SNTG1: variants seen among roughly 807,000 people sequenced by gnomAD.
SNTG1 encodes the protein syntrophin gamma 1.
In SNTG1, 39 loss-of-function variants were observed where a neutral mutation model predicts 74.7. The ratio of observed to expected loss-of-function variants is 0.52; its 90% CI spans 0.40 to 0.68. The LOEUF is 0.68. Ranked by LOEUF, SNTG1 falls within the 30% of genes least tolerant of loss-of-function variation. The pLI is 0.00. For synonymous variants in SNTG1, 254 were observed against 217.1 expected (o/e 1.17, Z -1.49); for missense variants, 685 against 609.5 (o/e 1.12, Z -1.30).
intron 1 of SNTG1, among the ~76,000 whole-genome samples, chr8:49,949,120 CA>C (rs1250165851): frequency 6.6e-6 from 1 of 152,070 alleles, no homozygotes; most frequent in Non-Finnish European, 1.5e-5. Context: ...TCGTTCTGTC[CA>C]GGCCTGATGG....
intron 1 of SNTG1, among the ~76,000 whole-genome samples, chr8:49,987,624 G>A (rs1239279376): frequency 6.7e-6 from 1 of 149,904 alleles, no homozygotes; most frequent in African/African-American, 2.5e-5. Context: ...AGTAATTGTG[G>A]ATTTTTTCCT....
intron 2 of SNTG1, among the ~76,000 whole-genome samples, chr8:50,197,243 G>A (rs1451182548): frequency 2.0e-5 from 3 of 152,040 alleles, no homozygotes; most frequent in East Asian, 1.9e-4. Flanking sequence ...TGCAAGGCCC[G>A]CCTGATTATA....
chr8:50,586,961 C>G (rs969557864), intron 12 of SNTG1, among the ~76,000 whole-genome samples: 5 of 151,802 alleles, frequency 3.3e-5, no homozygotes, highest in African/African-American at 7.3e-5. Flanking sequence ...GTAATAACCC[C>G]TAAATAAAAA....
intron 2 of SNTG1, among the ~76,000 whole-genome samples, chr8:50,319,307 T>C (rs1563890983): frequency 6.6e-6 from 1 of 152,060 alleles, no homozygotes; most frequent in Non-Finnish European, 1.5e-5. Flanking sequence ...GAGATTTCAG[T>C]GAGCTGAGAT....
intron 1 of SNTG1, among the ~76,000 whole-genome samples, chr8:50,002,786 AAAACGTGG>A (rs1814865181): frequency 6.6e-6 from 1 of 152,192 alleles, no homozygotes; most frequent in Non-Finnish European, 1.5e-5. Flanking sequence ...TGCCCATACA[AAAACGTGG>A]AAAAATGTGA....
Position 50,293,089 on chromosome 8 carries a change from A to T in SNTG1, c.-27-101123A>T, listed in dbSNP as rs149662316. ...TGTTTCCTTGGAACAACCTGCGTGT[A>T]GCCTTTGGAATTCATTATAGAATTG... On this transcript the variant is annotated intron_variant, in intron 2 of 18. Coordinates refer to ENST00000642720, the MANE Select transcript of SNTG1 (RefSeq NM_018967.5). Among the ~76,000 whole-genome samples the T allele has an allele frequency of 2.1e-3, 322 of 152,276 alleles. 2 individuals carry two copies. The highest frequency in any genetic ancestry group is 7.4e-3 in the African/African-American group (306 of 41,572).
chr8:50,282,683 T>C (rs539150516), intron 2 of SNTG1, among the ~76,000 whole-genome samples: 22 of 152,238 alleles, frequency 1.4e-4, no homozygotes, highest in African/African-American at 5.1e-4. Context: ...GGAGAATCAC[T>C]TGAACCCAGG....
chr8:50,673,637 C>T, intron 15 of SNTG1, among the ~76,000 whole-genome samples: 1 of 152,168 alleles, frequency 6.6e-6, no homozygotes, highest in East Asian at 1.9e-4. Context: ...GACAATTTGA[C>T]TGCCTCTCTT....
intron 1 of SNTG1, among the ~76,000 whole-genome samples, chr8:49,977,900 A>G (rs903587010): frequency 3.3e-5 from 5 of 152,228 alleles, no homozygotes; most frequent in African/African-American, 9.6e-5. Flanking sequence ...GACGGTCTTC[A>G]GTTGGCTTCC....
Position 50,709,009 on chromosome 8 carries a change from T to C in SNTG1, c.1284+31T>C, listed in dbSNP as rs376362017. The C allele has an allele frequency of 9.9e-4, 1,452 of 1,467,568 alleles. 1 individual carries two copies. Among genetic ancestry groups the C allele is most frequent in the Non-Finnish European group, 1.3e-3 (1,358 of 1,048,804 alleles). 90.9% of individuals were successfully genotyped at this position (1,467,568 alleles called of 1,614,324 possible). A position where few individuals can be genotyped will look rare whatever the true frequency, so the allele number is the denominator to read the frequency against. On this transcript the variant is annotated intron_variant, in intron 17 of 18. Coordinates refer to ENST00000642720, the MANE Select transcript of SNTG1 (RefSeq NM_018967.5). Reference sequence around the variant, plus strand: ...GTGTTCAGGTCAGCTCTGAGAAATATGCTGCAAACATTCTAATTGAAGAAT... The same window carrying C: ...GTGTTCAGGTCAGCTCTGAGAAATACGCTGCAAACATTCTAATTGAAGAAT...
chr8:50,467,995 G>T (rs150478711), intron 8 of SNTG1, among the ~76,000 whole-genome samples: 1 of 145,342 alleles, frequency 6.9e-6, no homozygotes, highest in East Asian at 2.1e-4. Context: ...GTCTGGGAAC[G>T]TATTTGTATA....
At chr8:50,211,024 T>C (rs2084496861) in intron 2 of SNTG1, among the ~76,000 whole-genome samples, 1 of 152,168 alleles carries the variant, frequency 6.6e-6, no homozygotes, top group Non-Finnish European at 1.5e-5. Flanking sequence ...TTCTTTCAAG[T>C]CTAATATTTT....
intron 2 of SNTG1, among the ~76,000 whole-genome samples, chr8:50,214,315 G>C (rs929591619): frequency 2.7e-5 from 4 of 149,934 alleles, no homozygotes; most frequent in South Asian, 2.1e-4. Context: ...GCTAAATGAC[G>C]AGTTAATGGG....
chr8:50,461,641 G>A (rs369084826), intron 8 of SNTG1, among the ~76,000 whole-genome samples: 70 of 152,036 alleles, frequency 4.6e-4, no homozygotes, highest in Admixed American at 1.5e-3. Context: ...TCCAGTTTTG[G>A]GTATTGGGAA....
Position 50,260,418 on chromosome 8 carries a change from A to G in SNTG1, c.-28+87783A>G, listed in dbSNP as rs991938930. On this transcript the variant is annotated intron_variant, in intron 2 of 18. Transcript: ENST00000642720. Reference sequence around the variant, plus strand: ...AAAAAACAGAACTAAGCACGGGACTATAGTACACTTCTCCACACACAACTT... The same window carrying G: ...AAAAAACAGAACTAAGCACGGGACTGTAGTACACTTCTCCACACACAACTT... Among the ~76,000 whole-genome samples the G allele has an allele frequency of 5.9e-5, 9 of 152,132 alleles. No homozygotes were observed. The East Asian group carries it at 1.7e-3, about 29-fold the overall frequency.
intron 1 of SNTG1, among the ~76,000 whole-genome samples, chr8:50,118,078 T>C (rs2080883003): frequency 6.6e-6 from 1 of 152,188 alleles, no homozygotes; most frequent in South Asian, 2.1e-4. Context: ...AAATGTATGA[T>C]TTATGAACAA....
At chr8:50,214,149 A>C (rs1367762686) in intron 2 of SNTG1, among the ~76,000 whole-genome samples, 1 of 151,162 alleles carries the variant, frequency 6.6e-6, no homozygotes, top group Non-Finnish European at 1.5e-5. Flanking sequence ...TCAGTAAACT[A>C]TCACAAGAAC....
intron 2 of SNTG1, among the ~76,000 whole-genome samples, chr8:50,363,307 C>CT (rs1452343995): frequency 6.6e-6 from 1 of 152,088 alleles, no homozygotes; most frequent in Non-Finnish European, 1.5e-5. Flanking sequence ...CTCCATAACT[C>CT]TTTTTTTGAT....
At chr8:50,428,184 C>T (rs2093187947) in intron 4 of SNTG1, among the ~76,000 whole-genome samples, 2 of 152,140 alleles carry the variant, frequency 1.3e-5, no homozygotes, top group Non-Finnish European at 2.9e-5. Context: ...GTGGCATATG[C>T]CTGTAGTCCT....
Sources: gnomAD v4.1 joint callset for allele counts (sites outside exome capture counted in the v4.1 genomes callset) on GRCh38, gnomAD v4.1.1 for gene constraint, MANE v1.5 for transcripts, NCBI Gene and HGNC (gene_info 2026-07-23, HGNC 2026-07-21) for gene names.